SPA17: variants seen among roughly 807,000 people sequenced by gnomAD.
SPA17 encodes the protein sperm autoantigenic protein 17.
In SPA17, 7 loss-of-function variants were observed where a neutral mutation model predicts 13.8. The ratio of observed to expected loss-of-function variants is 0.51; its 90% CI spans 0.29 to 0.95. The LOEUF (loss-of-function observed/expected upper bound fraction) is 0.95, where lower values mean the gene tolerates loss of function less well. Among genes scored for constraint, SPA17 ranks in the 40% least tolerant of loss-of-function variants. SPA17 has a pLI of 0.08. For synonymous variants in SPA17, 61 were observed against 59.0 expected (o/e 1.03, Z -0.16); for missense variants, 170 against 179.3 (o/e 0.95, Z 0.30).
At chr11:124,678,681 G>C (rs1003315868) in intron 2 of SPA17, among the ~76,000 whole-genome samples, 10 of 152,156 alleles carry the variant, frequency 6.6e-5, no homozygotes, top group Admixed American at 2.6e-4. Context: ...CAAGTAGTTG[G>C]GAACTACAGG....
intron 3 of SPA17, among the ~76,000 whole-genome samples, chr11:124,688,450 TCTAA>T (rs1166357701): frequency 6.6e-6 from 1 of 152,078 alleles, no homozygotes; most frequent in African/African-American, 2.4e-5. Context: ...CTAATAACAG[TCTAA>T]CTGAGAAAGG....
intron 1 of SPA17, 38 bp downstream of exon 1, chr11:124,673,990 C>A: frequency 2.0e-6 from 1 of 505,958 alleles, no homozygotes; most frequent in Admixed American, 3.3e-5. Flanking sequence ...GATACCAAGA[C>A]CTAGCCTTTT....
chr11:124,694,197 C>G, intron 4 of SPA17, 106 bp from the exon 5 acceptor site: 1 of 1,389,958 alleles, frequency 7.2e-7, no homozygotes, highest in South Asian at 1.3e-5. Flanking sequence ...CAACAGCTCT[C>G]AGATAGTTGC....
rs76315336 is a variant in SPA17 at position 124,692,302 on chromosome 11, C to T, written c.312+520C>T. On this transcript the variant is annotated intron_variant, in intron 4 of 4. Transcript: ENST00000227135. Reference sequence around the variant, plus strand: ...CAAGCAGTCAAGACATAGCGGAGGCCGGGCGTGGTGGCTCACGTCTGTAAT... The same window carrying T: ...CAAGCAGTCAAGACATAGCGGAGGCTGGGCGTGGTGGCTCACGTCTGTAAT... Among the ~76,000 whole-genome samples the T allele has an allele frequency of 1.8e-3, 273 of 152,254 alleles. 1 individual carries two copies. The highest frequency in any genetic ancestry group is 2.2e-3 in the African/African-American group (91 of 41,542).
At chr11:124,682,663 T>C (rs1943540270) in intron 3 of SPA17, among the ~76,000 whole-genome samples, 1 of 151,968 alleles carries the variant, frequency 6.6e-6, no homozygotes, top group Non-Finnish European at 1.5e-5. Flanking sequence ...TTTTAGAACT[T>C]GAATACAGGT....
chr11:124,687,272 C>T (rs1565425655), intron 3 of SPA17, among the ~76,000 whole-genome samples: 1 of 151,862 alleles, frequency 6.6e-6, no homozygotes, highest in Non-Finnish European at 1.5e-5. Context: ...TAACGAGTAG[C>T]AAGATTGATT....
intron 3 of SPA17, among the ~76,000 whole-genome samples, chr11:124,689,412 A>G (rs1466989151): frequency 6.6e-6 from 1 of 152,220 alleles, no homozygotes; most frequent in African/African-American, 2.4e-5. Flanking sequence ...CAAACTATTC[A>G]TCCAACAAGG....
At chr11:124,677,743 A>G (rs1299614879) in intron 2 of SPA17, among the ~76,000 whole-genome samples, 3 of 152,244 alleles carry the variant, frequency 2.0e-5, no homozygotes, top group Non-Finnish European at 2.9e-5. Context: ...TTATATCCCA[A>G]TGGGTTAATA....
At position 124,697,486 on chromosome 11, in the gene SPA17, C is replaced by T. The variant is rs1943683653; in HGVS notation, c.*3040C>T. 1.3e-5 allele frequency: 2 copies of T among 152,176 alleles called. No homozygotes were observed. Among genetic ancestry groups the T allele is most frequent in the South Asian group, 4.1e-4 (2 of 4,828 alleles). The allele number at this position is 152,176 out of a possible 1,614,324, so 9.4% of individuals were successfully genotyped here. A position where few individuals can be genotyped will look rare whatever the true frequency, so the allele number is the denominator to read the frequency against. On this transcript the variant is annotated 3_prime_UTR_variant, in exon 5 of 5. Coordinates refer to ENST00000227135, the MANE Select transcript of SPA17 (RefSeq NM_017425.4). ...TGGTCACAGAAGACAAGCAGGAAAA[C>T]CCAGCATGCAAGAATATTTCAAGCT...
At chr11:124,694,144 G>A (rs2134421195) in intron 4 of SPA17, 159 bp from the exon 5 acceptor site, 1 of 790,910 alleles carries the variant, frequency 1.3e-6, no homozygotes, top group South Asian at 2.5e-5. Flanking sequence ...TTTGCCATTT[G>A]GTACATATAC....
chr11:124,679,282 G>T (rs965363088), intron 2 of SPA17, among the ~76,000 whole-genome samples: 2 of 151,486 alleles, frequency 1.3e-5, no homozygotes, highest in African/African-American at 4.9e-5. Flanking sequence ...CATGCCTAGT[G>T]CATATATCCT....
At chr11:124,676,897 A>G (rs906337839) in intron 2 of SPA17, among the ~76,000 whole-genome samples, 1 of 152,216 alleles carries the variant, frequency 6.6e-6, no homozygotes, top group Non-Finnish European at 1.5e-5. Context: ...CTAAAATAAA[A>G]GTTGGAAGGG....
chr11:124,691,484 C>A (rs1183142640), intron 3 of SPA17, among the ~76,000 whole-genome samples: 2 of 152,100 alleles, frequency 1.3e-5, no homozygotes, highest in Non-Finnish European at 2.9e-5. Context: ...ATTATTTGGT[C>A]TTTAATATTT....
intron 2 of SPA17, among the ~76,000 whole-genome samples, chr11:124,679,617 C>T (rs956901601): frequency 6.6e-6 from 1 of 152,166 alleles, no homozygotes. Context: ...AAAACAATGA[C>T]CAACCCAATA....
rs938151327 is a variant in SPA17 at position 124,678,906 on chromosome 11, C to T, written c.155-2483C>T. On this transcript the variant is annotated intron_variant, in intron 2 of 4. Coordinates refer to ENST00000227135, the MANE Select transcript of SPA17 (RefSeq NM_017425.4). ...AAATGGAAAAGTAAATCTTTGAAAACTTAACATTTGCCTTTAGGAGAAAGT... is the reference window on the plus strand; with the variant it reads ...AAATGGAAAAGTAAATCTTTGAAAATTTAACATTTGCCTTTAGGAGAAAGT... Among the ~76,000 whole-genome samples the T allele has an allele frequency of 7.2e-5, 11 of 152,176 alleles. No homozygotes were observed. The East Asian group carries it at 1.9e-3, about 27-fold the overall frequency.
chr11:124,673,908 A>G lies in SPA17; in HGVS notation c.-72A>G. The G allele has an allele frequency of 1.6e-6, 1 of 609,902 alleles. No homozygotes were observed. Among genetic ancestry groups the G allele is most frequent in the Non-Finnish European group, 2.9e-6 (1 of 350,868 alleles). 37.8% of individuals were successfully genotyped at this position (609,902 alleles called of 1,614,324 possible). A position where few individuals can be genotyped will look rare whatever the true frequency, so the allele number is the denominator to read the frequency against. On this transcript the variant is annotated 5_prime_UTR_variant, in exon 1 of 5. Transcript: ENST00000227135. ...AAGAAAAAACGGTTACCCAGCAACT[A>G]GAAAAACAACCGGAACCGGCGGCAC...
At position 124,697,207 on chromosome 11, in the gene SPA17, T is replaced by C. The variant is rs1399138662; in HGVS notation, c.*2761T>C. 2 of 152,212 alleles carry C rather than the reference T, an allele frequency of 1.3e-5. No individual in the cohort carries two copies. The highest frequency in any genetic ancestry group is 2.9e-5 in the Non-Finnish European group (2 of 68,044). 9.4% of individuals were successfully genotyped at this position (152,212 alleles called of 1,614,324 possible). On this transcript the variant is annotated 3_prime_UTR_variant, in exon 5 of 5. Transcript: ENST00000227135. The stretch of plus-strand genomic sequence containing the variant: ...ATCTCACTACTACTGCACAACCCAT[T>C]CCAAAGTTAGTGGTTTAAGACAATT...
chr11:124,682,941 C>G (rs1030210304), intron 3 of SPA17, among the ~76,000 whole-genome samples: 6 of 150,524 alleles, frequency 4.0e-5, no homozygotes, highest in African/African-American at 1.5e-4. Context: ...ACATTAAAAT[C>G]AAACTGTCTA....
chr11:124,680,846 C>T (rs887962869), intron 2 of SPA17, among the ~76,000 whole-genome samples: 2 of 151,840 alleles, frequency 1.3e-5, no homozygotes, highest in African/African-American at 4.8e-5. Flanking sequence ...AGACAGTATG[C>T]TCATGGGAGT....
Sources: gnomAD v4.1 joint callset for allele counts (sites outside exome capture counted in the v4.1 genomes callset) on GRCh38, gnomAD v4.1.1 for gene constraint, MANE v1.5 for transcripts, NCBI Gene and HGNC (gene_info 2026-07-23, HGNC 2026-07-21) for gene names.